The following MDFIC variants were observed in gnomAD, a reference collection of about 807,000 sequenced individuals.
The protein encoded by MDFIC is myoD family inhibitor domain-containing protein.
Under a neutral mutation model 23.2 loss-of-function variants are expected in MDFIC, and 17 were observed. That is an observed-to-expected ratio of 0.73 (90% CI 0.50 to 1.10). The LOEUF is 1.10. Among genes scored for constraint, MDFIC ranks in the 50% least tolerant of loss-of-function variants. MDFIC has a pLI of 0.00. For missense variants in MDFIC, 356 were observed against 316.6 expected, an observed-to-expected ratio of 1.12 and a Z score of -0.95; for synonymous variants, 120 against 115.2, an observed-to-expected ratio of 1.04 and a Z score of -0.27.
intron 3 of MDFIC, among the ~76,000 whole-genome samples, chr7:114,965,074 C>T (rs1361921584): frequency 1.3e-5 from 2 of 152,068 alleles, no homozygotes; most frequent in East Asian, 1.9e-4. Context: ...AGGTTCCCAG[C>T]GGAACAATTT....
In MDFIC at chr7:114,939,943, G is replaced by A. The variant is rs549985504; in HGVS notation, c.95-2332G>A. ...AATGGCAGCAAGTATGTAGGACTCT[G>A]CTGATGAGCTAGTTCTTGCCTACTA... On this transcript the variant is annotated intron_variant, in intron 2 of 4. Coordinates refer to ENST00000393486, the MANE Select transcript of MDFIC (RefSeq NM_001166345.3). Among the ~76,000 whole-genome samples the A allele has an allele frequency of 2.6e-5, 4 of 152,312 alleles. No homozygotes were observed. The East Asian group carries it at 7.7e-4, about 29-fold the overall frequency.
rs533665524 is a variant in MDFIC at position 115,016,685 on chromosome 7, T to TAAATAAACAAAC, written c.*753_*754insTAAACAAACAAA. The TAAATAAACAAAC allele has an allele frequency of 7.1e-5, 11 of 155,920 alleles. No individual in the cohort carries two copies. The highest frequency in any genetic ancestry group is 4.1e-4 in the South Asian group (2 of 4,882). The allele number at this position is 155,920 out of a possible 1,614,324, so 9.7% of individuals were successfully genotyped here. A position where few individuals can be genotyped will look rare whatever the true frequency, so the allele number is the denominator to read the frequency against. The stretch of plus-strand genomic sequence containing the variant: ...ATAAATAAATAAATAAATAAATAAA[T>TAAATAAACAAAC]AAACAAACCAGTCTTTATTTTAAAA... On this transcript the variant is annotated 3_prime_UTR_variant, in exon 5 of 5. Coordinates refer to ENST00000393486, the MANE Select transcript of MDFIC (RefSeq NM_001166345.3).
intron 2 of MDFIC, among the ~76,000 whole-genome samples, chr7:114,927,755 A>G (rs1347692625): frequency 1.3e-5 from 2 of 152,180 alleles, no homozygotes; most frequent in East Asian, 3.8e-4. Flanking sequence ...TAGAGCCTGG[A>G]TTCTACTTTC....
chr7:114,991,319 A>G (rs570466810), intron 4 of MDFIC, among the ~76,000 whole-genome samples: 2 of 152,196 alleles, frequency 1.3e-5, no homozygotes, highest in South Asian at 4.1e-4. Context: ...CTCTGATGGT[A>G]GTTTCTTTTG....
In MDFIC at chr7:114,993,524, G is replaced by A. The variant is rs144528832; in HGVS notation, c.493+13743G>A. 2.1e-3 allele frequency among the ~76,000 whole-genome samples: 318 copies of A among 152,264 alleles called. 4 individuals carry two copies. The highest frequency in any genetic ancestry group is 7.4e-3 in the African/African-American group (306 of 41,566). The stretch of plus-strand genomic sequence containing the variant: ...TTTCCCTTTACACACTGCTTTAAAC[G>A]TGTCCCAGAGATTCTGGTATGTTGT... On this transcript the variant is annotated intron_variant, in intron 4 of 4. Coordinates refer to ENST00000393486, the MANE Select transcript of MDFIC (RefSeq NM_001166345.3).
At chr7:114,936,273 T>C (rs1282562471) in intron 2 of MDFIC, among the ~76,000 whole-genome samples, 1 of 152,176 alleles carries the variant, frequency 6.6e-6, no homozygotes, top group African/African-American at 2.4e-5. Context: ...AGGCTTCAAG[T>C]ATTTGGACTT....
chr7:114,949,564 A>G (rs530733303), intron 3 of MDFIC, among the ~76,000 whole-genome samples: 1 of 152,362 alleles, frequency 6.6e-6, no homozygotes, highest in African/African-American at 2.4e-5. Context: ...TTAGGAATTA[A>G]AGAGTAATTT....
At position 114,922,380 on chromosome 7, in the gene MDFIC, G is replaced by A. The variant is rs1437777068; in HGVS notation, c.-364G>A. 1 of 1,234,408 alleles carries A rather than the reference G, an allele frequency of 8.1e-7. No individual in the cohort carries two copies. The highest frequency in any genetic ancestry group is 4.1e-5 in the South Asian group (1 of 24,444). 76.5% of individuals were successfully genotyped at this position (1,234,408 alleles called of 1,614,324 possible). On this transcript the variant is annotated 5_prime_UTR_variant, in exon 1 of 5. Coordinates refer to ENST00000393486, the MANE Select transcript of MDFIC (RefSeq NM_001166345.3). Reference sequence around the variant, plus strand: ...AGGGGGAAGGCCCCCTCGCAGGGGAGCCGGCTGGAGTGAGCTGGCTGGAAA... The same window carrying A: ...AGGGGGAAGGCCCCCTCGCAGGGGAACCGGCTGGAGTGAGCTGGCTGGAAA...
intron 3 of MDFIC, among the ~76,000 whole-genome samples, chr7:114,971,011 A>G (rs1280864247): frequency 6.6e-6 from 1 of 152,160 alleles, no homozygotes; most frequent in Non-Finnish European, 1.5e-5. Context: ...TTATTTGCAC[A>G]TTGCTGGCTA....
chr7:115,007,493 C>G (rs543834764), intron 4 of MDFIC, among the ~76,000 whole-genome samples: 1 of 151,612 alleles, frequency 6.6e-6, no homozygotes, highest in Non-Finnish European at 1.5e-5. Flanking sequence ...TGCCCAAAAA[C>G]TGACTTTCTG....
At chr7:114,964,525 A>ACTTCCCTTCCCTTCC (rs369470623) in intron 3 of MDFIC, among the ~76,000 whole-genome samples, 4 of 96,316 alleles carry the variant, frequency 4.2e-5, no homozygotes, top group African/African-American at 1.7e-4. Context: ...CCTTCCCTTC[A>ACTTCCCTTCCCTTCC]CTTCCCTTCC....
At chr7:114,964,597 C>T (rs956805332) in intron 3 of MDFIC, among the ~76,000 whole-genome samples, 17 of 151,690 alleles carry the variant, frequency 1.1e-4, no homozygotes, top group South Asian at 4.2e-4. Flanking sequence ...GTTGCCCAGG[C>T]TGGAGTGCCA....
intron 2 of MDFIC, among the ~76,000 whole-genome samples, chr7:114,940,315 T>C (rs1342745062): frequency 2.0e-5 from 3 of 152,246 alleles, no homozygotes; most frequent in African/African-American, 7.2e-5. Flanking sequence ...ATTTGTTTCA[T>C]GGCAGAACTT....
At chr7:114,963,877 G>T (rs1044445396) in intron 3 of MDFIC, among the ~76,000 whole-genome samples, 1 of 152,118 alleles carries the variant, frequency 6.6e-6, no homozygotes, top group African/African-American at 2.4e-5. Flanking sequence ...ACTGTGCTGG[G>T]CTTTGTTTAC....
At chr7:114,972,548 A>G (rs557333090) in intron 3 of MDFIC, among the ~76,000 whole-genome samples, 1 of 152,302 alleles carries the variant, frequency 6.6e-6, no homozygotes, top group East Asian at 1.9e-4. Context: ...CTTTTTCTGC[A>G]AAACTACATG....
intron 3 of MDFIC, among the ~76,000 whole-genome samples, chr7:114,974,205 T>C (rs575480384): frequency 3.3e-5 from 5 of 152,154 alleles, no homozygotes. Context: ...AAATGTAAGA[T>C]AGTTTTTATC....
intron 4 of MDFIC, among the ~76,000 whole-genome samples, chr7:115,009,741 T>C (rs928000519): frequency 1.3e-5 from 2 of 152,230 alleles, no homozygotes; most frequent in Admixed American, 6.5e-5. Context: ...TGACCTTTCG[T>C]AGGACTCAAA....
In MDFIC at chr7:115,015,739, TTTGCAACA is replaced by T; in HGVS notation, c.549_556del (p.Asn184ProfsTer20). 1 of 1,614,214 alleles carries T rather than the reference TTTGCAACA, an allele frequency of 6.2e-7. No individual in the cohort carries two copies. Among genetic ancestry groups the T allele is most frequent in the African/African-American group, 1.3e-5 (1 of 75,056 alleles). On this transcript the variant is annotated frameshift_variant, in exon 5 of 5. Transcript: ENST00000393486. LOFTEE classifies it high-confidence loss of function. ...TGCTTGTTCTGCGAATTCCTGACCCTTTGCAACATTGTCCTGGGACAAGCGTCATGTGG... is the reference window on the plus strand; with the variant it reads ...TGCTTGTTCTGCGAATTCCTGACCCTTTGTCCTGGGACAAGCGTCATGTGG...
intron 3 of MDFIC, among the ~76,000 whole-genome samples, chr7:114,954,169 T>G (rs1310532626): frequency 6.6e-6 from 1 of 152,250 alleles, no homozygotes; most frequent in Non-Finnish European, 1.5e-5. Context: ...TGGACTTTTT[T>G]ATTATGGAGA....
Sources: gnomAD v4.1 joint callset for allele counts (sites outside exome capture counted in the v4.1 genomes callset) on GRCh38, gnomAD v4.1.1 for gene constraint, MANE v1.5 for transcripts, NCBI Gene and HGNC (gene_info 2026-07-23, HGNC 2026-07-21) for gene names.